Variants in PCDH15 observed in about 807,000 individuals in gnomAD.
The protein encoded by PCDH15 is protocadherin-15.
A neutral mutation model predicts 178.5 loss-of-function variants in PCDH15; 129 were observed. The observed-to-expected ratio is 0.72, with a 90% CI of 0.63 to 0.84. The LOEUF (loss-of-function observed/expected upper bound fraction) is 0.84. Among genes scored for constraint, PCDH15 ranks in the 40% least tolerant of loss-of-function variants. The probability of loss-of-function intolerance (pLI) is 0.00; values close to 1 mark genes in which losing one functional copy is unlikely to be tolerated. For synonymous variants in PCDH15, 800 were observed against 732.0 expected, an observed-to-expected ratio of 1.09 and a Z score of -1.50; for missense variants, 2,230 against 2,099.9, an observed-to-expected ratio of 1.06 and a Z score of -1.21.
chr10:54,080,292 C>A (rs183148718), intron 16 of PCDH15, among the ~76,000 whole-genome samples: 40 of 152,188 alleles, frequency 2.6e-4, no homozygotes, highest in African/African-American at 7.5e-4. Flanking sequence ...TATCTTTTCA[C>A]TGCTCAGAAT....
At chr10:54,008,659 C>A (rs2092465478) in intron 20 of PCDH15, among the ~76,000 whole-genome samples, 1 of 152,114 alleles carries the variant, frequency 6.6e-6, no homozygotes, top group Admixed American at 6.5e-5. Context: ...AAAGGCCACA[C>A]CATTTGAGGA....
chr10:54,127,400 C>G (rs984427568), intron 15 of PCDH15, among the ~76,000 whole-genome samples: 1 of 152,206 alleles, frequency 6.6e-6, no homozygotes, highest in Non-Finnish European at 1.5e-5. Context: ...TCTTTTCAAT[C>G]AGGCACACAC....
At chr10:54,934,474 C>T (rs1486041250) in intron 2 of PCDH15, among the ~76,000 whole-genome samples, 1 of 152,052 alleles carries the variant, frequency 6.6e-6, no homozygotes, top group Non-Finnish European at 1.5e-5. Context: ...AGATAAAAAT[C>T]ATTTTATCCA....
At chr10:55,559,810 C>T (rs1414766550) in intron 2 of PCDH15, among the ~76,000 whole-genome samples, 1 of 151,820 alleles carries the variant, frequency 6.6e-6, no homozygotes, top group Non-Finnish European at 1.5e-5. Flanking sequence ...TCAGTAATGA[C>T]AGAATTTTTC....
intron 2 of PCDH15, among the ~76,000 whole-genome samples, chr10:55,402,945 ATAT>A (rs1159779531): frequency 6.6e-6 from 1 of 152,012 alleles, no homozygotes; most frequent in East Asian, 1.9e-4. Context: ...CCTCAACAGT[ATAT>A]GAGAGTTTTT....
At chr10:53,944,381 T>C (rs2086349316) in intron 23 of PCDH15, among the ~76,000 whole-genome samples, 1 of 152,210 alleles carries the variant, frequency 6.6e-6, no homozygotes, top group Non-Finnish European at 1.5e-5. Context: ...CATTCACTCT[T>C]CTTTCTGTTG....
At chr10:54,646,682 A>G (rs1336599703) in intron 2 of PCDH15, among the ~76,000 whole-genome samples, 1 of 152,110 alleles carries the variant, frequency 6.6e-6, no homozygotes, top group Non-Finnish European at 1.5e-5. Context: ...CTGTGAACAT[A>G]GGATGTCTTT....
intron 1 of PCDH15, among the ~76,000 whole-genome samples, chr10:54,785,900 C>A (rs2133472398): frequency 1.3e-5 from 2 of 151,998 alleles, no homozygotes; most frequent in South Asian, 4.2e-4. Flanking sequence ...CATCAGCACC[C>A]CCTTCTCTCT....
chr10:54,002,453 G>C (rs2092204037), intron 20 of PCDH15, among the ~76,000 whole-genome samples: 1 of 151,946 alleles, frequency 6.6e-6, no homozygotes, highest in Non-Finnish European at 1.5e-5. Context: ...CACAAAACAA[G>C]TCTTAACACA....
In PCDH15 at chr10:54,323,631, A is replaced by G. The variant is rs1305185095; in HGVS notation, c.705+5965T>C. On this transcript the variant is annotated intron_variant, in intron 7 of 37. Transcript: ENST00000644397. The stretch of plus-strand genomic sequence containing the variant: ...ATGCAGCAACAGAAAACTAAATACT[A>G]CATAATATCAGTTTTTCAATGGGAG... Among the ~76,000 whole-genome samples, 9 of 152,194 alleles carry G rather than the reference A, an allele frequency of 5.9e-5. No individual in the cohort carries two copies. The South Asian group carries it at 1.5e-3, about 25-fold the overall frequency.
In PCDH15 at chr10:54,728,198, C is replaced by T. The variant is rs1487739299; in HGVS notation, c.-28-63908G>A. The stretch of plus-strand genomic sequence containing the variant: ...AAATCCTCAACAAAATACTAGCAAA[C>T]TGAATCCAGCAGCATATCAAAAAGT... On this transcript the variant is annotated intron_variant, in intron 1 of 37. Coordinates refer to ENST00000644397, the MANE Select transcript of PCDH15 (RefSeq NM_001384140.1). Among the ~76,000 whole-genome samples, 2 of 151,468 alleles carry T rather than the reference C, an allele frequency of 1.3e-5. 1 individual carries two copies. The highest frequency in any genetic ancestry group is 3.0e-5 in the Non-Finnish European group (2 of 67,658).
At chr10:55,578,461 C>T (rs557216427) in intron 2 of PCDH15, among the ~76,000 whole-genome samples, 5 of 152,210 alleles carry the variant, frequency 3.3e-5, no homozygotes, top group South Asian at 2.1e-4. Context: ...CCTCACGATG[C>T]GCCCGCCTCC....
At chr10:53,880,948 T>C (rs983532538) in intron 26 of PCDH15, among the ~76,000 whole-genome samples, 3 of 152,162 alleles carry the variant, frequency 2.0e-5, no homozygotes, top group Middle Eastern at 3.2e-3. Context: ...TGATGGTATT[T>C]TGGAGCTCTC....
chr10:55,357,062 A>T (rs566282604), intron 2 of PCDH15, among the ~76,000 whole-genome samples: 2 of 151,992 alleles, frequency 1.3e-5, no homozygotes. Context: ...TCACTTGAAC[A>T]GTTTGCTCTG....
chr10:54,725,565 T>TATATATATGTATAA (rs71014409), intron 1 of PCDH15, among the ~76,000 whole-genome samples: 3 of 135,910 alleles, frequency 2.2e-5, no homozygotes, highest in African/African-American at 7.8e-5. Context: ...TATATATATA[T>TATATATATGTATAA]AATTGGAAAC....
intron 3 of PCDH15, among the ~76,000 whole-genome samples, chr10:54,814,053 A>G (rs775475682): frequency 6.6e-6 from 1 of 152,202 alleles, no homozygotes; most frequent in African/African-American, 2.4e-5. Context: ...CCTCCCACAC[A>G]TATATTATGC....
At chr10:54,660,197 G>T (rs898900821) in intron 2 of PCDH15, among the ~76,000 whole-genome samples, 3 of 151,870 alleles carry the variant, frequency 2.0e-5, no homozygotes, top group Non-Finnish European at 2.9e-5. Context: ...GTTAATTAAG[G>T]AACAAAAAGA....
chr10:55,421,095 T>C (rs1838609691), intron 2 of PCDH15, among the ~76,000 whole-genome samples: 1 of 151,556 alleles, frequency 6.6e-6, no homozygotes, highest in Non-Finnish European at 1.5e-5. Flanking sequence ...GAAGGGGGTC[T>C]AAACCCAACT....
At chr10:53,985,141 G>C (rs953361902) in intron 21 of PCDH15, among the ~76,000 whole-genome samples, 2 of 152,154 alleles carry the variant, frequency 1.3e-5, no homozygotes, top group African/African-American at 4.8e-5. Context: ...TTGCAGAACA[G>C]TGAGATTTTG....
Sources: gnomAD v4.1 joint callset for allele counts (sites outside exome capture counted in the v4.1 genomes callset) on GRCh38, gnomAD v4.1.1 for gene constraint, MANE v1.5 for transcripts, NCBI Gene and HGNC (gene_info 2026-07-23, HGNC 2026-07-21) for gene names.